The following SLC35F3 variants were observed in gnomAD, a reference collection of about 807,000 sequenced individuals.
The protein encoded by SLC35F3 is solute carrier family 35 member F3, also known as putative thiamine transporter SLC35F3.
A neutral mutation model predicts 49.9 loss-of-function variants in SLC35F3; 25 were observed. That is an observed-to-expected ratio of 0.50 (90% CI 0.37 to 0.70). The LOEUF is 0.70. Among genes scored for constraint, SLC35F3 ranks in the 30% least tolerant of loss-of-function variants. The probability of loss-of-function intolerance (pLI) is 0.00; values close to 1 mark genes in which losing one functional copy is unlikely to be tolerated. For missense variants in SLC35F3, 525 were observed against 639.8 expected, an observed-to-expected ratio of 0.82 and a Z score of 1.94; for synonymous variants, 275 against 265.4, an observed-to-expected ratio of 1.04 and a Z score of -0.35.
At chr1:234,152,253 A>ATTATTATTATTCTT (rs1491297627) in intron 2 of SLC35F3, among the ~76,000 whole-genome samples, 1 of 128,178 alleles carries the variant, frequency 7.8e-6, no homozygotes, top group African/African-American at 3.1e-5. Context: ...TTATTATTAT[A>ATTATTATTATTCTT]CTTTAAATTC....
chr1:234,010,012 G>A (rs979799246), intron 2 of SLC35F3, among the ~76,000 whole-genome samples: 3 of 152,064 alleles, frequency 2.0e-5, no homozygotes, highest in African/African-American at 7.2e-5. Flanking sequence ...ATTAAAATTA[G>A]TAACATAAAA....
chr1:234,134,607 G>C (rs72758239), intron 2 of SLC35F3, among the ~76,000 whole-genome samples: 55,148 of 151,836 alleles, frequency 0.36, 12,755 homozygotes, highest in Non-Finnish European at 0.52. Context: ...TCTCAACCCT[G>C]CCTGCACATT....
At chr1:234,124,043 C>T (rs1052024538) in intron 2 of SLC35F3, among the ~76,000 whole-genome samples, 1 of 152,120 alleles carries the variant, frequency 6.6e-6, no homozygotes, top group Admixed American at 6.5e-5. Flanking sequence ...TTGATGATGT[C>T]ACAGGAAACA....
chr1:234,320,229 C>A lies in SLC35F3; in HGVS notation c.1237+42C>A. 7.1e-7 allele frequency: 1 copy of A among 1,409,660 alleles called. No homozygotes were observed. Among genetic ancestry groups the A allele is most frequent in the Non-Finnish European group, 1.0e-6 (1 of 995,066 alleles). 87.3% of individuals were successfully genotyped at this position (1,409,660 alleles called of 1,614,324 possible). ...TTCTATATCTGCACATAAGCACACA[C>A]ACTCAGTCACCTACTCACACACACA... On this transcript the variant is annotated intron_variant, in intron 7 of 7. Transcript: ENST00000366618. This position sits in a 1 kb window ranked among gnomAD's most constrained non-coding sequence, Gnocchi z 4.8.
At chr1:234,104,382 A>C (rs1452937787) in intron 2 of SLC35F3, among the ~76,000 whole-genome samples, 2 of 152,234 alleles carry the variant, frequency 1.3e-5, no homozygotes, top group Non-Finnish European at 1.5e-5. Context: ...AGAAAGAAAA[A>C]TCAGCCCTGT....
At chr1:234,039,700 A>C (rs541570201) in intron 2 of SLC35F3, among the ~76,000 whole-genome samples, 1 of 152,134 alleles carries the variant, frequency 6.6e-6, no homozygotes, top group Non-Finnish European at 1.5e-5. Flanking sequence ...GGGGTGCTCC[A>C]TTTACTCAGC....
intron 2 of SLC35F3, among the ~76,000 whole-genome samples, chr1:234,100,962 C>T (rs1430314076): frequency 6.6e-6 from 1 of 152,120 alleles, no homozygotes; most frequent in African/African-American, 2.4e-5. Context: ...GCCTCCTCAC[C>T]CATCACTCTT....
chr1:234,170,937 A>G (rs1170284564), intron 2 of SLC35F3, among the ~76,000 whole-genome samples: 1 of 152,220 alleles, frequency 6.6e-6, no homozygotes, highest in Admixed American at 6.5e-5. Flanking sequence ...CACAATTAAG[A>G]AATTTAATTT....
At chr1:234,182,037 A>G (rs1459506643) in intron 2 of SLC35F3, among the ~76,000 whole-genome samples, 1 of 152,196 alleles carries the variant, frequency 6.6e-6, no homozygotes, top group Non-Finnish European at 1.5e-5. Flanking sequence ...TCATATACGA[A>G]TGGCGAAAGG....
chr1:234,289,828 A>G (rs1210224706), intron 3 of SLC35F3, among the ~76,000 whole-genome samples: 1 of 152,272 alleles, frequency 6.6e-6, no homozygotes, highest in Non-Finnish European at 1.5e-5. Flanking sequence ...AAGTGATCCC[A>G]AAGTCAAAAC....
chr1:234,116,419 G>A (rs1485233121), intron 2 of SLC35F3, among the ~76,000 whole-genome samples: 1 of 152,190 alleles, frequency 6.6e-6, no homozygotes, highest in Non-Finnish European at 1.5e-5. Context: ...ACAGGGCTAT[G>A]TTATTATCAT....
In SLC35F3 at chr1:234,243,915, C is replaced by G. The variant is rs144768675; in HGVS notation, c.608+12174C>G. The stretch of plus-strand genomic sequence containing the variant: ...ATAATAAGCAGATGGGCATTTTCCT[C>G]CACTTCCCTGTTCCACTGGCCACAT... On this transcript the variant is annotated intron_variant, in intron 3 of 7. Transcript: ENST00000366618. 7.9e-5 allele frequency among the ~76,000 whole-genome samples: 12 copies of G among 152,350 alleles called. No individual in the cohort carries two copies. In the East Asian group the frequency reaches 2.3e-3, roughly 29 times the overall value.
Position 234,323,544 on chromosome 1 carries a change from A to C in SLC35F3, c.*301A>C, listed in dbSNP as rs1182543369. 7 of 420,772 alleles carry C rather than the reference A, an allele frequency of 1.7e-5. No individual in the cohort carries two copies. The highest frequency in any genetic ancestry group is 3.0e-5 in the Non-Finnish European group (7 of 232,568). 26.1% of individuals were successfully genotyped at this position (420,772 alleles called of 1,614,324 possible). On this transcript the variant is annotated 3_prime_UTR_variant, in exon 8 of 8. Transcript: ENST00000366618. The surrounding 1 kb of genome is among the most constrained non-coding windows in gnomAD (Gnocchi z 4.5). ...GGCTGACGTTCTTGACAAGCCAGCC[A>C]TCAGGGCAAGTGTTTTGAATCTTAG...
intron 2 of SLC35F3, among the ~76,000 whole-genome samples, chr1:234,182,508 T>C (rs906129237): frequency 6.6e-6 from 1 of 152,238 alleles, no homozygotes; most frequent in African/African-American, 2.4e-5. Context: ...CCTTCTCCTA[T>C]TGGTGGGTAT....
At chr1:234,222,574 G>A (rs372593059) in intron 2 of SLC35F3, among the ~76,000 whole-genome samples, 11 of 152,260 alleles carry the variant, frequency 7.2e-5, no homozygotes, top group South Asian at 6.2e-4. Context: ...GCCCAGCACC[G>A]CCTTGGTGAG....
intron 2 of SLC35F3, among the ~76,000 whole-genome samples, chr1:233,990,137 A>C (rs2102826643): frequency 6.6e-6 from 1 of 152,230 alleles, no homozygotes. Flanking sequence ...TTTAAATATT[A>C]TTTTATTTCC....
intron 2 of SLC35F3, among the ~76,000 whole-genome samples, chr1:234,126,000 A>T (rs1317355905): frequency 1.3e-5 from 2 of 152,344 alleles, no homozygotes; most frequent in Admixed American, 6.5e-5. Context: ...CTCTAGGGTC[A>T]CACTGTTGAC....
chr1:234,322,436 A>G (rs1657643363), intron 7 of SLC35F3, among the ~76,000 whole-genome samples: 1 of 152,168 alleles, frequency 6.6e-6, no homozygotes, highest in Non-Finnish European at 1.5e-5. Flanking sequence ...TATTAAGAAA[A>G]TCGTAAGAAA....
chr1:234,254,774 T>G (rs1667791517), intron 3 of SLC35F3, among the ~76,000 whole-genome samples: 2 of 152,258 alleles, frequency 1.3e-5, no homozygotes, highest in South Asian at 4.1e-4. Flanking sequence ...AACCAGTTTG[T>G]AAGCACTTAA....
Sources: allele counts gnomAD v4.1 joint callset (sites outside exome capture counted in the v4.1 genomes callset), GRCh38; gene constraint gnomAD v4.1.1; non-coding constraint Gnocchi (gnomAD v3.1); transcripts MANE v1.5; gene names NCBI Gene and HGNC (gene_info 2026-07-23, HGNC 2026-07-21).